The following ADARB2 variants were observed in gnomAD, a reference collection of about 807,000 sequenced individuals.
ADARB2 encodes the protein inactive double-stranded RNA-specific editase B2.
ADARB2 carries 25 observed loss-of-function variants against 62.2 expected under a neutral mutation model. The ratio of observed to expected loss-of-function variants is 0.40; its 90% CI spans 0.29 to 0.56. The LOEUF (loss-of-function observed/expected upper bound fraction) is 0.56. Among genes scored for constraint, ADARB2 ranks in the 20% least tolerant of loss-of-function variants. ADARB2 has a pLI of 0.43. For missense variants in ADARB2, 1,071 were observed against 1,077.4 expected (o/e 0.99, Z 0.08); for synonymous variants, 572 against 500.8 (o/e 1.14, Z -1.90).
At chr10:1,310,126 T>G (rs1203362428) in intron 3 of ADARB2, among the ~76,000 whole-genome samples, 1 of 152,240 alleles carries the variant, frequency 6.6e-6, no homozygotes, top group Non-Finnish European at 1.5e-5. Context: ...GTTTATTAAG[T>G]CACTCATCAG....
intron 1 of ADARB2, among the ~76,000 whole-genome samples, chr10:1,480,191 C>A (rs1280151250): frequency 1.3e-5 from 2 of 151,940 alleles, no homozygotes; most frequent in African/African-American, 4.8e-5. Flanking sequence ...TTGGCCAGAG[C>A]AATTAGGCAA....
intron 4 of ADARB2, among the ~76,000 whole-genome samples, chr10:1,270,097 A>G (rs905228533): frequency 1.3e-5 from 2 of 152,236 alleles, no homozygotes; most frequent in African/African-American, 4.8e-5. Flanking sequence ...CAGCCAAGAC[A>G]TGGTGCTGGG....
chr10:1,601,508 G>C (rs190537975), intron 1 of ADARB2, among the ~76,000 whole-genome samples: 2 of 152,140 alleles, frequency 1.3e-5, no homozygotes, highest in Non-Finnish European at 2.9e-5. Context: ...AATAAACACC[G>C]ATCTTAGCTA....
rs756031726 is a variant in ADARB2 at position 1,737,074 on chromosome 10, C to T, written c.77G>A (p.Arg26Lys). 2 of 1,611,890 alleles carry T rather than the reference C, an allele frequency of 1.2e-6. No individual in the cohort carries two copies. Among genetic ancestry groups the T allele is most frequent in the East Asian group, 2.2e-5 (1 of 44,882 alleles). The change falls in exon 1 of 10, where the codon AGG (arginine) becomes AAG (lysine). Residue 26 changes from arginine to lysine, a missense_variant. Arg to Lys is a conservative substitution (Grantham distance 26). Coordinates refer to ENST00000381312, the MANE Select transcript of ADARB2 (RefSeq NM_018702.4). Reference sequence around the variant, plus strand: ...ACCTTTCCGCTTGGACCTCCGCCTCCTCCTCCTCTTGGACTTGCATTTGAG... The same window carrying T: ...ACCTTTCCGCTTGGACCTCCGCCTCTTCCTCCTCTTGGACTTGCATTTGAG... ...SQLKCKSKRR[R>K]RRRSKRKDKV... is the part of the protein sequence containing the mutation.
chr10:1,213,868 C>T (rs987463223), intron 7 of ADARB2, among the ~76,000 whole-genome samples: 7 of 151,888 alleles, frequency 4.6e-5, no homozygotes, highest in South Asian at 2.1e-4. Context: ...CTGTGTCCAG[C>T]ATCTCGTGGG....
At chr10:1,293,335 CAG>C (rs922473577) in intron 3 of ADARB2, among the ~76,000 whole-genome samples, 17 of 122,042 alleles carry the variant, frequency 1.4e-4, no homozygotes, top group African/African-American at 3.9e-4. Flanking sequence ...GGGAAGAGGG[CAG>C]AGAGGGAGAA....
intron 4 of ADARB2, among the ~76,000 whole-genome samples, chr10:1,256,618 GC>G (rs1480124547): frequency 6.6e-6 from 1 of 152,128 alleles, no homozygotes; most frequent in Non-Finnish European, 1.5e-5. Flanking sequence ...AAAAGATGGG[GC>G]CAGGCGAGCT....
Position 1,379,559 on chromosome 10 carries a change from T to C in ADARB2, c.101-399A>G, listed in dbSNP as rs564065619. ...CAATCTCACAATTAAAAGAGAATGG[T>C]GCCAATAAAGCCAAGACTATCTTTT... On this transcript the variant is annotated intron_variant, in intron 1 of 9. Transcript: ENST00000381312. Among the ~76,000 whole-genome samples, 5 of 152,338 alleles carry C rather than the reference T, an allele frequency of 3.3e-5. No homozygotes were observed. In the South Asian group the frequency reaches 6.2e-4, roughly 19 times the overall value.
chr10:1,454,101 C>A (rs1051105081), intron 1 of ADARB2, among the ~76,000 whole-genome samples: 1 of 152,028 alleles, frequency 6.6e-6, no homozygotes, highest in African/African-American at 2.4e-5. Context: ...ACAGTCATGG[C>A]AGAAGGGGAA....
At position 1,327,200 on chromosome 10, in the gene ADARB2, A is replaced by ACAGCACCTCCTCACTGCC. The variant is rs1831869255; in HGVS notation, c.1077+35827_1077+35828insGGCAGTGAGGAGGTGCTG. ...CCACAGTTCAGCGCCTCCCCAAGGCACAGCGCCTCCTCACAGTTCAGCGCC... is the reference window on the plus strand; with the variant it reads ...CCACAGTTCAGCGCCTCCCCAAGGCACAGCACCTCCTCACTGCCCAGCGCCTCCTCACAGTTCAGCGCC... On this transcript the variant is annotated intron_variant, in intron 3 of 9. Transcript: ENST00000381312. 8.5e-5 allele frequency among the ~76,000 whole-genome samples: 9 copies of ACAGCACCTCCTCACTGCC among 106,204 alleles called. No individual in the cohort carries two copies. The South Asian group carries it at 1.3e-3, about 15-fold the overall frequency. The allele number at this position is 106,204 out of a possible 152,430, so 69.7% of individuals were successfully genotyped here. A position where few individuals can be genotyped will look rare whatever the true frequency, so the allele number is the denominator to read the frequency against.
At chr10:1,340,148 C>T (rs1240404826) in intron 3 of ADARB2, among the ~76,000 whole-genome samples, 3 of 148,582 alleles carry the variant, frequency 2.0e-5, no homozygotes, top group South Asian at 2.2e-4. Flanking sequence ...TGGCAATAAC[C>T]AGCATCCACC....
chr10:1,719,443 T>C (rs1487812968), intron 1 of ADARB2, among the ~76,000 whole-genome samples: 2 of 152,232 alleles, frequency 1.3e-5, no homozygotes, highest in African/African-American at 2.4e-5. Flanking sequence ...ATGATATCTA[T>C]AGAATAAACT....
At chr10:1,374,831 A>G (rs1015082121) in intron 2 of ADARB2, among the ~76,000 whole-genome samples, 2 of 152,194 alleles carry the variant, frequency 1.3e-5, no homozygotes, top group Admixed American at 1.3e-4. Flanking sequence ...TGGAAGAGAT[A>G]ATGTTGCTTC....
intron 2 of ADARB2, among the ~76,000 whole-genome samples, chr10:1,366,334 C>T (rs951647527): frequency 2.0e-5 from 3 of 152,198 alleles, no homozygotes; most frequent in Non-Finnish European, 4.4e-5. Flanking sequence ...CAAAGCTGTT[C>T]CATTAGGGAA....
chr10:1,445,502 A>G (rs924111980), intron 1 of ADARB2, among the ~76,000 whole-genome samples: 1 of 150,614 alleles, frequency 6.6e-6, no homozygotes, highest in Admixed American at 6.6e-5. Context: ...CCATTCTTCC[A>G]TCCATCCATC....
intron 1 of ADARB2, among the ~76,000 whole-genome samples, chr10:1,459,038 A>G (rs1167303138): frequency 6.6e-6 from 1 of 152,200 alleles, no homozygotes; most frequent in African/African-American, 2.4e-5. Flanking sequence ...AAGTCAAAAA[A>G]TAACAGATGC....
chr10:1,667,117 G>T (rs961784245), intron 1 of ADARB2, among the ~76,000 whole-genome samples: 1 of 152,166 alleles, frequency 6.6e-6, no homozygotes, highest in Non-Finnish European at 1.5e-5. Context: ...TGCGTAAATT[G>T]TCCCAAATAG....
intron 1 of ADARB2, among the ~76,000 whole-genome samples, chr10:1,730,715 A>G (rs1376357885): frequency 6.6e-6 from 1 of 152,178 alleles, no homozygotes; most frequent in Non-Finnish European, 1.5e-5. Context: ...TCTTAAGTAT[A>G]AAATCCCCTC....
At chr10:1,683,415 G>A (rs771299760) in intron 1 of ADARB2, among the ~76,000 whole-genome samples, 2 of 152,188 alleles carry the variant, frequency 1.3e-5, no homozygotes, top group East Asian at 3.8e-4. Flanking sequence ...TAATTTATTC[G>A]AAAGGCAGAA....
Sources: gnomAD v4.1 joint callset for allele counts (sites outside exome capture counted in the v4.1 genomes callset) on GRCh38, gnomAD v4.1.1 for gene constraint, MANE v1.5 for transcripts, NCBI Gene and HGNC (gene_info 2026-07-23, HGNC 2026-07-21) for gene names.